Variants in NAV1 observed in about 807,000 individuals in gnomAD.
NAV1 encodes neuron navigator 1.
In NAV1, 18 loss-of-function variants were observed where a neutral mutation model predicts 175.2. The ratio of observed to expected loss-of-function variants is 0.10; its 90% CI spans 0.07 to 0.15. The LOEUF (loss-of-function observed/expected upper bound fraction) is 0.15. Among genes scored for constraint, NAV1 ranks in the 10% least tolerant of loss-of-function variants. The pLI, the probability that NAV1 is intolerant of heterozygous loss-of-function variation, is 1.00. For missense variants in NAV1, 1,731 were observed against 2,436.6 expected (o/e 0.71, Z 6.10); for synonymous variants, 897 against 978.7 (o/e 0.92, Z 1.56).
intron 1 of NAV1, chr1:201,673,488 T>C (rs1487479305): frequency 6.6e-6 from 1 of 152,212 alleles, no homozygotes; most frequent in Admixed American, 6.5e-5. Context: ...ATCTCTCTTC[T>C]CCTTTTCACA....
At chr1:201,589,345 A>T (rs1442692754) in intron 2 of NAV1, among the ~76,000 whole-genome samples, 1 of 152,182 alleles carries the variant, frequency 6.6e-6, no homozygotes, top group African/African-American at 2.4e-5. Context: ...GGAGAAGCAA[A>T]TTGTCATCTT....
Position 201,793,884 on chromosome 1 carries a change from C to A in NAV1, c.3405+9C>A. On this transcript the variant is annotated intron_variant, in intron 14 of 29. Coordinates refer to ENST00000367296, the Ensembl canonical transcript of NAV1. ...AGACGGCCGAGGAGAAGGTGAGAGG[C>A]CTGGGAAAGGGTGGGAGGGGTGGGT... 1.6e-6 allele frequency: 1 copy of A among 639,968 alleles called. No homozygotes were observed. The highest frequency in any genetic ancestry group is 2.7e-6 in the Non-Finnish European group (1 of 364,408). 39.6% of individuals were successfully genotyped at this position (639,968 alleles called of 1,614,324 possible). A position where few individuals can be genotyped will look rare whatever the true frequency, so the allele number is the denominator to read the frequency against.
chr1:201,562,910 G>A (rs955704368), intron 1 of NAV1, among the ~76,000 whole-genome samples: 3 of 152,196 alleles, frequency 2.0e-5, no homozygotes, highest in African/African-American at 7.2e-5. Context: ...CACGGGATCT[G>A]TCTGAGCATC....
exon 30 of NAV1, chr1:201,826,158 G>C (rs1679657978): frequency 6.6e-6 from 1 of 152,188 alleles, no homozygotes; most frequent in Non-Finnish European, 1.5e-5. Flanking sequence ...CTGCGCCCTG[G>C]AACTAAGTGT....
At chr1:201,768,619 C>T (rs1386426177) in intron 3 of NAV1, among the ~76,000 whole-genome samples, 1 of 124,186 alleles carries the variant, frequency 8.1e-6, no homozygotes, top group South Asian at 2.5e-4. Flanking sequence ...GCCTGGGTGA[C>T]AAGGTGAGAT....
At chr1:201,642,533 C>CTT (rs1371467893) in intron 2 of NAV1, among the ~76,000 whole-genome samples, 12 of 107,960 alleles carry the variant, frequency 1.1e-4, no homozygotes, top group African/African-American at 5.0e-4. Flanking sequence ...TTTTTTCTTT[C>CTT]TTTCTTTCTT....
At chr1:201,647,959 G>A (rs534558169), upstream of NAV1, among the ~76,000 whole-genome samples, 1 of 149,444 alleles carries the variant, frequency 6.7e-6, no homozygotes, top group African/African-American at 2.5e-5. Context: ...AACCCGCCCC[G>A]CTTCTACGCG....
intron 1 of NAV1, among the ~76,000 whole-genome samples, chr1:201,676,382 A>G (rs1016185055): frequency 2.0e-5 from 3 of 152,158 alleles, no homozygotes; most frequent in African/African-American, 4.8e-5. Context: ...TCTCCTTCCC[A>G]AGACTGAAAT....
At position 201,740,203 on chromosome 1, in the gene NAV1, G is replaced by T. The variant is rs1425051064; in HGVS notation, c.1226+21448G>T. On this transcript the variant is annotated intron_variant, in intron 3 of 29. Coordinates refer to ENST00000367296, the Ensembl canonical transcript of NAV1. This position sits in a 1 kb window ranked among gnomAD's most constrained non-coding sequence, Gnocchi z 4.7. ...TGCAGTCTCAGGGGCAGTGGGTGTG[G>T]GGTCCGCAAGAAGGAGGGTCTTGGC... The T allele has an allele frequency of 1.7e-5, 13 of 780,986 alleles. No homozygotes were observed. Among genetic ancestry groups the T allele is most frequent in the Admixed American group, 3.7e-5 (1 of 26,938 alleles). The allele number at this position is 780,986 out of a possible 1,614,324, so 48.4% of individuals were successfully genotyped here. A position where few individuals can be genotyped will look rare whatever the true frequency, so the allele number is the denominator to read the frequency against.
intron 28 of NAV1, 133 bp from the exon 33 acceptor site, chr1:201,816,955 T>C: frequency 1.4e-6 from 1 of 737,276 alleles, no homozygotes; most frequent in Non-Finnish European, 2.2e-6. Flanking sequence ...ATTACAGGCA[T>C]GAGCCACTGC....
intron 1 of NAV1, among the ~76,000 whole-genome samples, chr1:201,570,142 AC>A (rs1427638189): frequency 6.6e-6 from 1 of 152,120 alleles, no homozygotes; most frequent in Non-Finnish European, 1.5e-5. Flanking sequence ...AAAACACCAA[AC>A]AAAAAAATCA....
intron 2 of NAV1, among the ~76,000 whole-genome samples, chr1:201,642,557 T>TTTCCTTC (rs1668822324): frequency 2.8e-5 from 3 of 106,018 alleles, no homozygotes; most frequent in Non-Finnish European, 5.7e-5. Flanking sequence ...TTCTTTCTTT[T>TTTCCTTC]TTCCCTTTCT....
intron 3 of NAV1, among the ~76,000 whole-genome samples, chr1:201,755,128 T>G (rs1180341381): frequency 1.3e-5 from 2 of 152,248 alleles, no homozygotes; most frequent in Non-Finnish European, 2.9e-5. Context: ...TTGTACACAT[T>G]TCAACATTTT....
chr1:201,562,972 A>G (rs897084846), intron 1 of NAV1, among the ~76,000 whole-genome samples: 1 of 152,198 alleles, frequency 6.6e-6, no homozygotes, highest in Non-Finnish European at 1.5e-5. Flanking sequence ...CGGTGGGTGA[A>G]TCAGTGAGGT....
At chr1:201,628,836 G>A (rs576533349) in intron 1 of NAV1, among the ~76,000 whole-genome samples, 1 of 152,206 alleles carries the variant, frequency 6.6e-6, no homozygotes, top group African/African-American at 2.4e-5. Context: ...TACCACAACG[G>A]GCCCAGCAAG....
rs60462710 is a variant in NAV1, at chr1:201,651,122, C to CGTGTGTGTGTGTGTGTGTGTGT, written c.757+1714_757+1735dup. Among the ~76,000 whole-genome samples the CGTGTGTGTGTGTGTGTGTGTGT allele has an allele frequency of 1.7e-3, 225 of 129,148 alleles. 7 individuals carry two copies. The highest frequency in any genetic ancestry group is 4.9e-3 in the South Asian group (17 of 3,500). The allele number at this position is 129,148 out of a possible 152,430, so 84.7% of individuals were successfully genotyped here. On this transcript the variant is annotated intron_variant, in intron 1 of 29. Transcript: ENST00000367296. ...AAAGCAGGGTGAGAGAGGAAGGGAC[C>CGTGTGTGTGTGTGTGTGTGTGT]GTGTGTGTGTGTGTGTGTGTGTGTG... is the stretch of plus-strand genomic sequence containing the variant.
Position 201,539,508 on chromosome 1 carries a change from G to T in NAV1, c.-144+166G>T, listed in dbSNP as rs1023850337. Among the ~76,000 whole-genome samples the T allele has an allele frequency of 3.3e-5, 5 of 152,138 alleles. No homozygotes were observed. ...TGGGCTGGGCTCGGGAGAGGCGCTG[G>T]AATAAATAACAACCAAGATGCTCGC... is the stretch of plus-strand genomic sequence containing the variant. On this transcript the variant is annotated intron_variant, in intron 1 of 33. Transcript: ENST00000685211. The surrounding 1 kb of genome is among the most constrained non-coding windows in gnomAD (Gnocchi z 5.6).
exon 7 of NAV1, chr1:201,783,435 C>T (rs1483839388): frequency 3.7e-6 from 6 of 1,613,900 alleles, no homozygotes; most frequent in Non-Finnish European, 4.2e-6. Flanking sequence ...GTCAAACCAC[C>T]CTCACTAGCC....
At chr1:201,652,845 T>C (rs1404557746) in intron 1 of NAV1, among the ~76,000 whole-genome samples, 1 of 152,206 alleles carries the variant, frequency 6.6e-6, no homozygotes, top group Admixed American at 6.5e-5. Flanking sequence ...GTTAAGACCA[T>C]TGTAAGTTGA....
Sources: gnomAD v4.1 joint callset for allele counts (sites outside exome capture counted in the v4.1 genomes callset) on GRCh38, gnomAD v4.1.1 for gene constraint, Gnocchi (gnomAD v3.1) non-coding constraint, MANE v1.5 for transcripts, NCBI Gene and HGNC (gene_info 2026-07-23, HGNC 2026-07-21) for gene names.